Variants in MAP2K6 observed in about 807,000 individuals in gnomAD.
MAP2K6 encodes the protein mitogen-activated protein kinase kinase 6.
A neutral mutation model predicts 53.7 loss-of-function variants in MAP2K6; 16 were observed. The ratio of observed to expected loss-of-function variants is 0.30; its 90% CI spans 0.20 to 0.45. MAP2K6 has a LOEUF of 0.45. Among genes scored for constraint, MAP2K6 ranks in the 20% least tolerant of loss-of-function variants. The probability of loss-of-function intolerance (pLI) is 1.00; values close to 1 mark genes in which losing one functional copy is unlikely to be tolerated. For synonymous variants in MAP2K6, 132 were observed against 143.1 expected, an observed-to-expected ratio of 0.92 and a Z score of 0.55; for missense variants, 204 against 411.9, an observed-to-expected ratio of 0.50 and a Z score of 4.37.
intron 10 of MAP2K6, among the ~76,000 whole-genome samples, chr17:69,535,391 G>A (rs11869230): frequency 0.14 from 21,987 of 152,056 alleles, 1,689 homozygotes; most frequent in East Asian, 0.3. Flanking sequence ...CTAAGACTTC[G>A]AGACCAGCCT....
chr17:69,448,809 T>G (rs1484278021), intron 1 of MAP2K6, among the ~76,000 whole-genome samples: 1 of 152,210 alleles, frequency 6.6e-6, no homozygotes, highest in East Asian at 1.9e-4. Context: ...TGGAGTTGCC[T>G]TTCCTTTTTC....
At position 69,508,683 on chromosome 17, in the gene MAP2K6, G is replaced by C. The variant is rs559670236; in HGVS notation, c.83+2837G>C. Among the ~76,000 whole-genome samples, 26 of 152,290 alleles carry C rather than the reference G, an allele frequency of 1.7e-4. 1 individual carries two copies. In the Middle Eastern group the frequency reaches 0.014, roughly 80 times the overall value. ...TATTACTTTTACAGATCATGCTTTT[G>C]ATAATAAGTCTAAGAACCCTTTGCC... is the stretch of plus-strand genomic sequence containing the variant. On this transcript the variant is annotated intron_variant, in intron 2 of 11. Transcript: ENST00000590474.
chr17:69,432,448 T>C (rs1028294456), intron 1 of MAP2K6, among the ~76,000 whole-genome samples: 1 of 152,266 alleles, frequency 6.6e-6, no homozygotes, highest in Non-Finnish European at 1.5e-5. Context: ...GTGGCACATA[T>C]ACACCATGGA....
At chr17:69,468,843 A>G (rs1430681976) in intron 1 of MAP2K6, among the ~76,000 whole-genome samples, 1 of 152,242 alleles carries the variant, frequency 6.6e-6, no homozygotes, top group African/African-American at 2.4e-5. Flanking sequence ...ACAGAACAAC[A>G]AAAACAACAA....
At chr17:69,479,749 AC>A (rs2145190245) in intron 1 of MAP2K6, among the ~76,000 whole-genome samples, 1 of 143,034 alleles carries the variant, frequency 7.0e-6, no homozygotes, top group African/African-American at 2.6e-5. Context: ...ATGGAGTCTC[AC>A]TCTGTTGCTC....
chr17:69,460,016 A>C (rs375140929), intron 1 of MAP2K6, among the ~76,000 whole-genome samples: 2 of 61,356 alleles, frequency 3.3e-5, no homozygotes, highest in Non-Finnish European at 6.1e-5. Context: ...TTTCCTTTTT[A>C]CCCTCCTTCT....
intron 1 of MAP2K6, among the ~76,000 whole-genome samples, chr17:69,468,428 G>A (rs2716227): frequency 0.49 from 75,142 of 152,058 alleles, 19,346 homozygotes; most frequent in East Asian, 0.84. Context: ...CACAGCCAAC[G>A]AATCACTGTT....
At position 69,509,425 on chromosome 17, in the gene MAP2K6, T is replaced by G. The variant is rs34836109; in HGVS notation, c.83+3579T>G. On this transcript the variant is annotated intron_variant, in intron 2 of 11. Coordinates refer to ENST00000590474, the MANE Select transcript of MAP2K6 (RefSeq NM_002758.4). ...TGTCAGTATATAGAAATGCAATAGATTTTTTCTGTATTGATCTTGAATTCT... is the reference window on the plus strand; with the variant it reads ...TGTCAGTATATAGAAATGCAATAGAGTTTTTCTGTATTGATCTTGAATTCT... 4.1e-3 allele frequency among the ~76,000 whole-genome samples: 631 copies of G among 152,324 alleles called. 2 individuals carry two copies. Among genetic ancestry groups the G allele is most frequent in the Non-Finnish European group, 7.1e-3 (482 of 68,028 alleles).
chr17:69,524,046 T>A (rs61759560), intron 8 of MAP2K6, among the ~76,000 whole-genome samples: 2,187 of 152,228 alleles, frequency 0.014, 61 homozygotes, highest in African/African-American at 0.048. Context: ...AGGGCTTTTT[T>A]AATAAGGGCC....
At chr17:69,425,834 G>C (rs1296006398) in intron 1 of MAP2K6, among the ~76,000 whole-genome samples, 2 of 152,274 alleles carry the variant, frequency 1.3e-5, no homozygotes, top group East Asian at 3.9e-4. Context: ...AGAATCAGTG[G>C]GAACAGAATA....
intron 1 of MAP2K6, among the ~76,000 whole-genome samples, chr17:69,442,923 G>T (rs188989235): frequency 1.3e-5 from 2 of 152,210 alleles, no homozygotes; most frequent in Non-Finnish European, 1.5e-5. Context: ...GCATCTAATA[G>T]AGATTCAATA....
chr17:69,465,742 C>T (rs1363490803), intron 1 of MAP2K6, among the ~76,000 whole-genome samples: 1 of 151,590 alleles, frequency 6.6e-6, no homozygotes, highest in Non-Finnish European at 1.5e-5. Flanking sequence ...GCCTCAGCCT[C>T]CCAAATAGCT....
chr17:69,506,150 C>T (rs768999838), intron 2 of MAP2K6, among the ~76,000 whole-genome samples: 35 of 152,170 alleles, frequency 2.3e-4, no homozygotes, highest in Admixed American at 1.4e-3. Flanking sequence ...TTGCCTTTTC[C>T]CTGTAGATTG....
At chr17:69,481,596 C>T (rs1234339942) in intron 1 of MAP2K6, among the ~76,000 whole-genome samples, 13 of 152,072 alleles carry the variant, frequency 8.5e-5, no homozygotes, top group Admixed American at 8.5e-4. Flanking sequence ...CATCTGAGAT[C>T]AAGGTGTTAT....
rs1295596912 is a variant in MAP2K6, at chr17:69,545,592, C to T, written c.*3839C>T. 6.6e-6 allele frequency: 1 copy of T among 152,166 alleles called. No individual in the cohort carries two copies. Among genetic ancestry groups the T allele is most frequent in the East Asian group, 1.9e-4 (1 of 5,190 alleles). 9.4% of individuals were successfully genotyped at this position (152,166 alleles called of 1,614,324 possible). A position where few individuals can be genotyped will look rare whatever the true frequency, so the allele number is the denominator to read the frequency against. ...CTGTGTTCAGGGTGCCATTAGTTGT[C>T]TTGGTACTTTTTTCATGGTGCCCCA... is the stretch of plus-strand genomic sequence containing the variant. On this transcript the variant is annotated 3_prime_UTR_variant, in exon 12 of 12. Coordinates refer to ENST00000590474, the MANE Select transcript of MAP2K6 (RefSeq NM_002758.4).
At chr17:69,514,572 G>GT (rs968930931) in intron 2 of MAP2K6, among the ~76,000 whole-genome samples, 1 of 150,830 alleles carries the variant, frequency 6.6e-6, no homozygotes, top group Non-Finnish European at 1.5e-5. Flanking sequence ...TTTTTGTTTT[G>GT]TTTTTTGAGA....
chr17:69,530,162 CA>C (rs1415328416), intron 10 of MAP2K6, among the ~76,000 whole-genome samples: 1 of 151,974 alleles, frequency 6.6e-6, no homozygotes, highest in Admixed American at 6.6e-5. Context: ...AAAAAATACA[CA>C]AATTAGCTGG....
chr17:69,524,331 A>C (rs1287416975), intron 8 of MAP2K6, among the ~76,000 whole-genome samples: 7 of 151,924 alleles, frequency 4.6e-5, no homozygotes, highest in Non-Finnish European at 4.4e-5. Context: ...AATAGAGCTT[A>C]AATTACCCAA....
chr17:69,445,658 A>G (rs533707556), intron 1 of MAP2K6, among the ~76,000 whole-genome samples: 1 of 152,166 alleles, frequency 6.6e-6, no homozygotes, highest in South Asian at 2.1e-4. Context: ...TTTTTTTTAA[A>G]TATTCTTCTC....
Sources: allele counts gnomAD v4.1 joint callset (sites outside exome capture counted in the v4.1 genomes callset), GRCh38; gene constraint gnomAD v4.1.1; transcripts MANE v1.5; gene names NCBI Gene and HGNC (gene_info 2026-07-23, HGNC 2026-07-21).